The following SIDT1 variants were observed in gnomAD, a reference collection of about 807,000 sequenced individuals.
SIDT1 encodes the protein SID1 transmembrane family, member 1.
In SIDT1, 101 loss-of-function variants were observed where a neutral mutation model predicts 107.5. The ratio of observed to expected loss-of-function variants is 0.94; its 90% confidence interval spans 0.80 to 1.11. SIDT1 has a LOEUF of 1.11. SIDT1 is among the 50% of genes least tolerant of loss of function. The probability of loss-of-function intolerance (pLI) is 0.00; values close to 1 mark genes in which losing one functional copy is unlikely to be tolerated. For missense variants in SIDT1, 1,076 were observed against 1,058.2 expected (o/e 1.02, Z -0.23); for synonymous variants, 395 against 398.2 (o/e 0.99, Z 0.10).
At chr3:113,540,057 T>C (rs537439987) in intron 1 of SIDT1, among the ~76,000 whole-genome samples, 3 of 150,162 alleles carry the variant, frequency 2.0e-5, no homozygotes, top group East Asian at 3.9e-4. Context: ...GGCTGAAAGA[T>C]GGCCACTTGG....
At position 113,619,740 on chromosome 3, in the gene SIDT1, T is replaced by A; in HGVS notation, c.2090+14T>A. The A allele has an allele frequency of 1.2e-6, 2 of 1,613,022 alleles. No individual in the cohort carries two copies. Among genetic ancestry groups the A allele is most frequent in the Admixed American group, 1.7e-5 (1 of 60,028 alleles). On this transcript the variant is annotated intron_variant, in intron 21 of 24. Coordinates refer to ENST00000264852, the MANE Select transcript of SIDT1 (RefSeq NM_017699.3). ...TAACTGGTCCTTGTAAGTAGTCTTA[T>A]GAAAACATGTTTTTGCCTTTATTAA...
At chr3:113,577,007 G>C in intron 4 of SIDT1, 40 bp downstream of exon 4, 1 of 1,596,892 alleles carries the variant, frequency 6.3e-7, no homozygotes, top group Non-Finnish European at 8.6e-7. Context: ...CATCCTACCT[G>C]TTGGTGTTGC....
At chr3:113,617,300 A>G (rs1379055878) in intron 20 of SIDT1, among the ~76,000 whole-genome samples, 1 of 152,206 alleles carries the variant, frequency 6.6e-6, no homozygotes, top group Non-Finnish European at 1.5e-5. Flanking sequence ...TTGATGGTTA[A>G]AACATACTTC....
intron 23 of SIDT1, among the ~76,000 whole-genome samples, chr3:113,624,424 CAT>C (rs1167164253): frequency 6.6e-6 from 1 of 152,198 alleles, no homozygotes; most frequent in Non-Finnish European, 1.5e-5. Context: ...CTGTAACATA[CAT>C]AGTACTTCAT....
chr3:113,624,697 C>A (rs117829067), intron 23 of SIDT1, among the ~76,000 whole-genome samples: 4 of 152,152 alleles, frequency 2.6e-5, no homozygotes, highest in African/African-American at 7.2e-5. Flanking sequence ...CCTCTCCCCC[C>A]ACCCTTCCTG....
chr3:113,563,704 C>T (rs1443461240), intron 1 of SIDT1, among the ~76,000 whole-genome samples: 2 of 152,058 alleles, frequency 1.3e-5, no homozygotes, highest in Non-Finnish European at 2.9e-5. Context: ...ACATATGAAC[C>T]AAATACAATG....
At position 113,576,978 on chromosome 3, in the gene SIDT1, G is replaced by T. The variant is rs752788500; in HGVS notation, c.561+11G>T. ...CCCTCTCAACCTCAGGTAAGTGAAG[G>T]GGTTCCAAGAGTTATCAACATCCTA... On this transcript the variant is annotated intron_variant, in intron 4 of 24. Coordinates refer to ENST00000264852, the MANE Select transcript of SIDT1 (RefSeq NM_017699.3). 6.8e-6 allele frequency: 11 copies of T among 1,613,862 alleles called. No individual in the cohort carries two copies. The South Asian group carries it at 1.2e-4, about 18-fold the overall frequency.
intron 9 of SIDT1, among the ~76,000 whole-genome samples, chr3:113,585,665 A>G (rs573463440): frequency 3.0e-4 from 46 of 152,338 alleles, no homozygotes; most frequent in African/African-American, 1.1e-3. Context: ...TAAACATTCT[A>G]ACAAAAAGTA....
intron 1 of SIDT1, among the ~76,000 whole-genome samples, chr3:113,548,634 T>C (rs946611530): frequency 6.6e-6 from 1 of 152,112 alleles, no homozygotes; most frequent in Admixed American, 6.5e-5. Flanking sequence ...ATTTGAAAGA[T>C]ACTCTCTATA....
chr3:113,580,456 A>G (rs1178149992), intron 4 of SIDT1, 152 bp from the exon 5 acceptor site: 3 of 606,738 alleles, frequency 4.9e-6, no homozygotes, highest in Admixed American at 2.7e-5. Flanking sequence ...CCCTGCGCAG[A>G]TTTAGTTTCT....
chr3:113,593,188 C>A, intron 10 of SIDT1, 140 bp downstream of exon 10: 1 of 782,546 alleles, frequency 1.3e-6, no homozygotes, highest in Non-Finnish European at 2.3e-6. Flanking sequence ...GTCTAGCCTG[C>A]AGTTGGAAAG....
At chr3:113,632,256 C>T (rs1947099637), downstream of SIDT1, among the ~76,000 whole-genome samples, 1 of 152,144 alleles carries the variant, frequency 6.6e-6, no homozygotes, top group African/African-American at 2.4e-5. Flanking sequence ...TCTTGAGCCC[C>T]TGTTTTATAT....
At position 113,532,790 on chromosome 3, in the gene SIDT1, T is replaced by G. The variant is rs1576666317; in HGVS notation, c.-232T>G. The G allele has an allele frequency of 5.2e-6, 2 of 384,146 alleles. No individual in the cohort carries two copies. Among genetic ancestry groups the G allele is most frequent in the East Asian group, 7.7e-5 (2 of 26,088 alleles). 23.8% of individuals were successfully genotyped at this position (384,146 alleles called of 1,614,324 possible). ...CAGCCCCACATCTCCACTTCTCCAG[T>G]CCGCCCTACTCTCCACCCGTGACCT... On this transcript the variant is annotated 5_prime_UTR_variant, in exon 1 of 25. Transcript: ENST00000264852.
chr3:113,541,111 A>AATAT (rs10534213), intron 1 of SIDT1, among the ~76,000 whole-genome samples: 18 of 149,262 alleles, frequency 1.2e-4, no homozygotes, highest in African/African-American at 4.2e-4. Context: ...TCTTAGTTCT[A>AATAT]ATATATATAT....
intron 9 of SIDT1, among the ~76,000 whole-genome samples, chr3:113,586,032 A>G (rs1943719262): frequency 6.6e-6 from 1 of 152,204 alleles, no homozygotes; most frequent in Non-Finnish European, 1.5e-5. Context: ...GCCAGAATTG[A>G]GTTTTGAGAC....
intron 1 of SIDT1, among the ~76,000 whole-genome samples, chr3:113,533,909 AC>A (rs1937777811): frequency 6.6e-6 from 1 of 152,222 alleles, no homozygotes; most frequent in Non-Finnish European, 1.5e-5. Context: ...AAAGTTCTAG[AC>A]CTATTTTTGA....
chr3:113,541,658 C>A (rs1350333578), intron 1 of SIDT1, among the ~76,000 whole-genome samples: 4 of 152,138 alleles, frequency 2.6e-5, no homozygotes, highest in African/African-American at 4.8e-5. Flanking sequence ...CTCACGAGAA[C>A]CATATTCTCA....
chr3:113,582,321 AGGGTAAG>A (rs1456518626), intron 6 of SIDT1, among the ~76,000 whole-genome samples: 1 of 152,154 alleles, frequency 6.6e-6, no homozygotes, highest in Non-Finnish European at 1.5e-5. Context: ...TCTGTTCCCT[AGGGTAAG>A]GTGATACTGT....
At chr3:113,619,796 G>A (rs1460329650) in intron 21 of SIDT1, 70 bp downstream of exon 21, 13 of 1,374,524 alleles carry the variant, frequency 9.5e-6, no homozygotes, top group Admixed American at 1.7e-5. Flanking sequence ...AGCTTTCCTT[G>A]ACTGTCATTT....
Sources: gnomAD v4.1 joint callset for allele counts (sites outside exome capture counted in the v4.1 genomes callset) on GRCh38, gnomAD v4.1.1 for gene constraint, MANE v1.5 for transcripts, NCBI Gene and HGNC (gene_info 2026-07-23, HGNC 2026-07-21) for gene names.